The following MYO18B variants were observed in gnomAD, a reference collection of about 807,000 sequenced individuals.
The protein encoded by MYO18B is unconventional myosin-XVIIIb.
In MYO18B, 204 loss-of-function variants were observed where a neutral mutation model predicts 273.0. The ratio of observed to expected loss-of-function variants is 0.75; its 90% confidence interval spans 0.67 to 0.84. The LOEUF is 0.84. Ranked by LOEUF, MYO18B falls within the 40% of genes least tolerant of loss-of-function variation. The pLI is 0.00. For synonymous variants in MYO18B, 1,330 were observed against 1,305.7 expected (o/e 1.02, Z -0.40); for missense variants, 3,212 against 3,287.6 (o/e 0.98, Z 0.56).
chr22:25,994,239 G>A (rs762077086), intron 40 of MYO18B, among the ~76,000 whole-genome samples: 1 of 152,164 alleles, frequency 6.6e-6, no homozygotes, highest in Non-Finnish European at 1.5e-5. Flanking sequence ...AGCTAAGGCG[G>A]GAGGATCACT....
intron 37 of MYO18B, 80 bp from the exon 38 acceptor site, chr22:25,952,206 T>C: frequency 5.9e-6 from 9 of 1,520,908 alleles, no homozygotes; most frequent in Non-Finnish European, 8.0e-6. Flanking sequence ...CCTCCCACCC[T>C]CCCAGGCTGG....
intron 40 of MYO18B, among the ~76,000 whole-genome samples, chr22:26,001,538 G>C (rs9620582): frequency 0.033 from 4,952 of 152,310 alleles, 76 homozygotes; most frequent in African/African-American, 0.045. Context: ...CAGAAATCCA[G>C]GACAATAAGT....
intron 17 of MYO18B, among the ~76,000 whole-genome samples, chr22:25,836,004 A>G (rs1349323988): frequency 1.3e-5 from 2 of 152,184 alleles, no homozygotes; most frequent in Non-Finnish European, 2.9e-5. Context: ...GTGTGAAGAT[A>G]TGGTAGGAAG....
rs118179018 is a variant in MYO18B at position 25,851,254 on chromosome 22, G to A, written c.3776-216G>A. Among the ~76,000 whole-genome samples, 1,377 of 152,244 alleles carry A rather than the reference G, an allele frequency of 9.0e-3. 45 individuals carry two copies. In the East Asian group the frequency reaches 0.11, roughly 12 times the overall value. Reference sequence around the variant, plus strand: ...TTCAGTGGAGCATTTTATAGGGTTCGTGTTCTCAGGAACACCTCTGGGAAG... The same window carrying A: ...TTCAGTGGAGCATTTTATAGGGTTCATGTTCTCAGGAACACCTCTGGGAAG... On this transcript the variant is annotated intron_variant, in intron 20 of 43. Coordinates refer to ENST00000335473, the MANE Select transcript of MYO18B (RefSeq NM_032608.7).
intron 28 of MYO18B, 185 bp from the exon 29 acceptor site, chr22:25,898,122 T>G: frequency 3.4e-6 from 2 of 590,414 alleles, no homozygotes; most frequent in Non-Finnish European, 5.8e-6. Context: ...CTGAGCAAAC[T>G]GAGGCTCAGA....
chr22:25,751,042 C>A (rs2085917127), intron 1 of MYO18B, among the ~76,000 whole-genome samples: 2 of 152,238 alleles, frequency 1.3e-5, no homozygotes, highest in African/African-American at 4.8e-5. Flanking sequence ...AGACACATCC[C>A]CTCCCTCTGC....
chr22:25,820,012 C>T (rs939726750), intron 12 of MYO18B, among the ~76,000 whole-genome samples: 7 of 142,718 alleles, frequency 4.9e-5, no homozygotes, highest in African/African-American at 1.3e-4. Context: ...TGAACAAAGA[C>T]GCAATGTTGA....
chr22:26,017,974 T>G (rs956043581), intron 42 of MYO18B, among the ~76,000 whole-genome samples: 1,050 of 61,224 alleles, frequency 0.017, 14 homozygotes, highest in African/African-American at 0.043. Context: ...TTTGTTTTTT[T>G]TTTTTTTTTT....
Position 25,835,361 on chromosome 22 carries a change from A to G in MYO18B, c.3126A>G (p.Glu1042=), listed in dbSNP as rs1253367606. Reference sequence around the variant, plus strand: ...GCCTTTTCTGGGTCTTAGATGAGGAAGTCCATGTAGAGGGCTCCAGTGACA... The same window carrying G: ...GCCTTTTCTGGGTCTTAGATGAGGAGGTCCATGTAGAGGGCTCCAGTGACA... The part of the protein sequence containing the change: ...ARGLFWVLDE[E]VHVEGSSDSV... Residue 1042 remains glutamate, a synonymous_variant, in exon 17 of 44, where the codon GAA becomes GAG. Coordinates refer to ENST00000335473, the MANE Select transcript of MYO18B (RefSeq NM_032608.7). The G allele has an allele frequency of 6.2e-7, 1 of 1,613,980 alleles. No homozygotes were observed. The highest frequency in any genetic ancestry group is 8.5e-7 in the Non-Finnish European group (1 of 1,179,878).
rs768148294 is a variant in MYO18B at position 25,757,999 on chromosome 22, TTTG to T, written c.-109-2979_-109-2977del. ...CTTTGGAAAACAGTTGGAAAGTTTC[TTTG>T]TTGTTTTGTTTGTTCGTTTGTTTGT... On this transcript the variant is annotated intron_variant, in intron 1 of 43. Coordinates refer to ENST00000335473, the MANE Select transcript of MYO18B (RefSeq NM_032608.7). 5.3e-5 allele frequency among the ~76,000 whole-genome samples: 8 copies of T among 152,178 alleles called. No individual in the cohort carries two copies. The South Asian group carries it at 6.2e-4, about 12-fold the overall frequency.
chr22:25,843,834 A>T lies in MYO18B; in HGVS notation c.3308A>T (p.His1103Leu). ...PVRYDLTGWLHRAKPNLSALD... is the reference protein window; with the variant it reads ...PVRYDLTGWLLRAKPNLSALD... ...CGGTACGACCTCACGGGCTGGCTCCACAGAGCCAAGCCCAACCTCTCGGCC... is the reference window on the plus strand; with the variant it reads ...CGGTACGACCTCACGGGCTGGCTCCTCAGAGCCAAGCCCAACCTCTCGGCC... The change falls in exon 18 of 44, where the codon CAC becomes CTC. Residue 1103 changes from histidine (H) to leucine (L), a missense_variant. His to Leu is a moderately conservative substitution (Grantham distance 99). Transcript: ENST00000335473. The T allele has an allele frequency of 6.2e-7, 1 of 1,613,792 alleles. No homozygotes were observed. Among genetic ancestry groups the T allele is most frequent in the South Asian group, 1.1e-5 (1 of 91,062 alleles).
At chr22:25,922,985 C>T (rs905402886) in intron 34 of MYO18B, among the ~76,000 whole-genome samples, 1 of 152,246 alleles carries the variant, frequency 6.6e-6, no homozygotes, top group Non-Finnish European at 1.5e-5. Flanking sequence ...CGGGACCACA[C>T]TCTGCATTTT....
intron 42 of MYO18B, among the ~76,000 whole-genome samples, chr22:26,005,918 G>A (rs537052826): frequency 3.9e-5 from 6 of 152,312 alleles, no homozygotes; most frequent in African/African-American, 1.4e-4. Flanking sequence ...ATCAAAGACA[G>A]GCTCCAAGAA....
chr22:25,925,741 C>T (rs1035213653), intron 34 of MYO18B, among the ~76,000 whole-genome samples: 2 of 150,884 alleles, frequency 1.3e-5, no homozygotes, highest in African/African-American at 4.9e-5. Context: ...CCTGTCTCTA[C>T]TAAAAATACA....
chr22:26,001,291 G>A lies in MYO18B; in HGVS notation c.6288-1974G>A, dbSNP rs965792506. Reference sequence around the variant, plus strand: ...GAAAGACAAACTCTAAATGAAGAGAGCTTAACAAAAGGACTATTTACAAAG... The same window carrying A: ...GAAAGACAAACTCTAAATGAAGAGAACTTAACAAAAGGACTATTTACAAAG... On this transcript the variant is annotated intron_variant, in intron 40 of 43. Transcript: ENST00000335473. Among the ~76,000 whole-genome samples the A allele has an allele frequency of 4.6e-5, 7 of 152,332 alleles. No individual in the cohort carries two copies. The South Asian group carries it at 1.0e-3, about 23-fold the overall frequency.
chr22:25,767,587 G>C (rs2145576755), intron 3 of MYO18B, among the ~76,000 whole-genome samples: 1 of 152,332 alleles, frequency 6.6e-6, no homozygotes, highest in East Asian at 1.9e-4. Flanking sequence ...GAGTGTTAGA[G>C]CCAAGGTGAG....
intron 35 of MYO18B, 133 bp downstream of exon 35, chr22:25,946,383 G>A (rs1282242428): frequency 6.4e-5 from 37 of 576,102 alleles, no homozygotes; most frequent in Non-Finnish European, 1.0e-4. Context: ...GTAGCACCTT[G>A]GAGGTACAGA....
chr22:25,824,864 C>T (rs2089429583), intron 13 of MYO18B, among the ~76,000 whole-genome samples: 1 of 151,676 alleles, frequency 6.6e-6, no homozygotes, highest in Non-Finnish European at 1.5e-5. Context: ...ATGAACACAC[C>T]ACACATATGC....
chr22:25,789,096 TTCTTCCTCCTCC>T (rs2087534468), intron 11 of MYO18B, among the ~76,000 whole-genome samples: 2 of 34,172 alleles, frequency 5.9e-5, no homozygotes, highest in Admixed American at 8.3e-4. Flanking sequence ...CTCCTCCTTC[TTCTTCCTCCTCC>T]TCCTCCTCCT....
Sources: allele counts gnomAD v4.1 joint callset (sites outside exome capture counted in the v4.1 genomes callset), GRCh38; gene constraint gnomAD v4.1.1; transcripts MANE v1.5; gene names NCBI Gene and HGNC (gene_info 2026-07-23, HGNC 2026-07-21).